Variants in TENM4 observed in about 807,000 individuals in gnomAD.
TENM4 encodes the protein teneurin transmembrane protein 4, also known as teneurin-4.
In TENM4, 82 loss-of-function variants were observed where a neutral mutation model predicts 243.3. That is an observed-to-expected ratio of 0.34 (90% CI 0.28 to 0.40). The LOEUF is 0.40. Among genes scored for constraint, TENM4 ranks in the 10% least tolerant of loss-of-function variants. TENM4 has a pLI of 1.00. For missense variants in TENM4, 3,138 were observed against 3,673.3 expected, an observed-to-expected ratio of 0.85 and a Z score of 3.77; for synonymous variants, 1,412 against 1,456.3, an observed-to-expected ratio of 0.97 and a Z score of 0.69.
chr11:79,169,327 G>A (rs1175736575), intron 3 of TENM4, among the ~76,000 whole-genome samples: 1 of 152,224 alleles, frequency 6.6e-6, no homozygotes, highest in Non-Finnish European at 1.5e-5. Context: ...CTCAGTAGCA[G>A]TTGGGAACTG....
intron 16 of TENM4, 93 bp from the exon 17 acceptor site, chr11:78,778,721 G>T (rs973663870): frequency 2.5e-6 from 3 of 1,211,156 alleles, no homozygotes; most frequent in Non-Finnish European, 2.4e-6. Flanking sequence ...ACAGACAAAG[G>T]GATTGTGCCC....
At chr11:78,709,119 C>T (rs1859337881) in intron 26 of TENM4, among the ~76,000 whole-genome samples, 1 of 149,392 alleles carries the variant, frequency 6.7e-6, no homozygotes, top group Non-Finnish European at 1.5e-5. Context: ...AGGCATGCGC[C>T]ACCATGCCTG....
intron 4 of TENM4, among the ~76,000 whole-genome samples, chr11:79,142,507 T>C (rs1862305475): frequency 6.6e-6 from 1 of 152,102 alleles, no homozygotes; most frequent in Non-Finnish European, 1.5e-5. Flanking sequence ...AGAAAGATAT[T>C]TCTTGTTTAT....
chr11:79,299,184 C>T (rs774501615), intron 1 of TENM4, among the ~76,000 whole-genome samples: 1 of 152,158 alleles, frequency 6.6e-6, no homozygotes, highest in African/African-American at 2.4e-5. Flanking sequence ...CCCAGTGGTG[C>T]CCCTGCTACA....
intron 6 of TENM4, among the ~76,000 whole-genome samples, chr11:78,982,726 G>C (rs1239775824): frequency 6.6e-6 from 1 of 152,224 alleles, no homozygotes; most frequent in Non-Finnish European, 1.5e-5. Context: ...AAGCGCAACA[G>C]ATGGCTCTCC....
chr11:79,168,793 G>A (rs1316866431), intron 3 of TENM4, among the ~76,000 whole-genome samples: 1 of 152,132 alleles, frequency 6.6e-6, no homozygotes, highest in Non-Finnish European at 1.5e-5. Flanking sequence ...TTGATCAATA[G>A]GACGAGGCAA....
chr11:79,106,322 C>T (rs6592827), intron 4 of TENM4, among the ~76,000 whole-genome samples: 21,391 of 152,220 alleles, frequency 0.14, 1,584 homozygotes, highest in Middle Eastern at 0.19. Flanking sequence ...GCAGAATACC[C>T]TCTGGGAGGA....
At chr11:79,100,844 C>G (rs930591191) in intron 4 of TENM4, among the ~76,000 whole-genome samples, 11 of 152,168 alleles carry the variant, frequency 7.2e-5, no homozygotes, top group Non-Finnish European at 1.5e-4. Flanking sequence ...GTGTTCTTAA[C>G]CTTCCACTCC....
chr11:79,294,834 A>T (rs1209876578), intron 2 of TENM4, among the ~76,000 whole-genome samples: 1 of 152,014 alleles, frequency 6.6e-6, no homozygotes, highest in Non-Finnish European at 1.5e-5. Flanking sequence ...GGGTGACAAG[A>T]GTGAAACTCT....
chr11:78,713,288 G>C (rs1184338224), intron 25 of TENM4, among the ~76,000 whole-genome samples: 1 of 152,170 alleles, frequency 6.6e-6, no homozygotes, highest in South Asian at 2.1e-4. Context: ...AGGAGCCCAG[G>C]AGTCTCCCTC....
At chr11:79,023,477 G>A (rs926632399) in intron 6 of TENM4, among the ~76,000 whole-genome samples, 1 of 151,088 alleles carries the variant, frequency 6.6e-6, no homozygotes, top group African/African-American at 2.4e-5. Context: ...CAGGAGAATC[G>A]CTTGAACCTG....
intron 6 of TENM4, among the ~76,000 whole-genome samples, chr11:79,031,729 G>A (rs1859244051): frequency 6.6e-6 from 1 of 152,216 alleles, no homozygotes; most frequent in African/African-American, 2.4e-5. Flanking sequence ...GGTTGGACAT[G>A]CCCTCCCTTA....
At chr11:78,862,614 G>A (rs1406949768) in intron 10 of TENM4, among the ~76,000 whole-genome samples, 1 of 152,004 alleles carries the variant, frequency 6.6e-6, no homozygotes, top group Non-Finnish European at 1.5e-5. Context: ...TCCCACAGAT[G>A]CCCAACTGTC....
At chr11:79,262,516 G>A (rs1481706536) in intron 2 of TENM4, among the ~76,000 whole-genome samples, 1 of 152,164 alleles carries the variant, frequency 6.6e-6, no homozygotes, top group Non-Finnish European at 1.5e-5. Flanking sequence ...ACTGTAAACT[G>A]CTCGTTCCAT....
intron 6 of TENM4, among the ~76,000 whole-genome samples, chr11:79,035,380 C>G (rs929538278): frequency 4.6e-5 from 7 of 152,130 alleles, no homozygotes; most frequent in African/African-American, 1.7e-4. Context: ...ATCAGTGAAG[C>G]CATTTGCACC....
At chr11:79,130,526 G>C (rs1165650794) in intron 4 of TENM4, among the ~76,000 whole-genome samples, 1 of 152,006 alleles carries the variant, frequency 6.6e-6, no homozygotes, top group Non-Finnish European at 1.5e-5. Flanking sequence ...GAAACAGACA[G>C]CTTAAAAGAA....
chr11:78,817,875 C>T (rs968603289), intron 12 of TENM4, among the ~76,000 whole-genome samples: 6 of 152,042 alleles, frequency 3.9e-5, no homozygotes, highest in Admixed American at 1.3e-4. Flanking sequence ...TACGTTCCTG[C>T]TTGGCAACTT....
intron 26 of TENM4, among the ~76,000 whole-genome samples, 168 bp downstream of exon 26, chr11:78,712,314 G>A (rs1179906942): frequency 6.6e-6 from 1 of 152,154 alleles, no homozygotes; most frequent in Non-Finnish European, 1.5e-5. Context: ...GACAGGAAAT[G>A]TTAACTGGGA....
intron 3 of TENM4, among the ~76,000 whole-genome samples, chr11:79,181,274 A>G (rs749118207): frequency 3.3e-5 from 5 of 152,218 alleles, no homozygotes; most frequent in African/African-American, 4.8e-5. Context: ...CAGGTATGCA[A>G]GGCTGGTTCA....
Sources: allele counts gnomAD v4.1 joint callset (sites outside exome capture counted in the v4.1 genomes callset), GRCh38; gene constraint gnomAD v4.1.1; transcripts MANE v1.5; gene names NCBI Gene and HGNC (gene_info 2026-07-23, HGNC 2026-07-21).